Variants in SLC26A5 observed in about 807,000 individuals in gnomAD.
SLC26A5 encodes prestin.
In SLC26A5, 51 loss-of-function variants were observed where a neutral mutation model predicts 81.0. The ratio of observed to expected loss-of-function variants is 0.63; its 90% CI spans 0.50 to 0.80. SLC26A5 has a LOEUF of 0.80. Among genes scored for constraint, SLC26A5 ranks in the 30% least tolerant of loss-of-function variants. The pLI is 0.00. For synonymous variants in SLC26A5, 325 were observed against 332.8 expected (o/e 0.98, Z 0.25); for missense variants, 771 against 905.8 (o/e 0.85, Z 1.91).
chr7:103,374,365 G>T lies in SLC26A5; in HGVS notation c.*34C>A. 6.2e-7 allele frequency: 1 copy of T among 1,611,394 alleles called. No homozygotes were observed. Among genetic ancestry groups the T allele is most frequent in the South Asian group, 1.1e-5 (1 of 90,854 alleles). On this transcript the variant is annotated 3_prime_UTR_variant, in exon 20 of 20. Transcript: ENST00000306312. ...CGTGTAAATTATGAACTTCATGAGA[G>T]GCTTATAACCCCATCCTAGGGTGAG...
rs769294227 is a variant in SLC26A5 at position 103,378,458 on chromosome 7, A to G, written c.1773T>C (p.Thr591=). 2 of 1,614,100 alleles carry G rather than the reference A, an allele frequency of 1.2e-6. No homozygotes were observed. Among genetic ancestry groups the G allele is most frequent in the Non-Finnish European group, 8.5e-7 (1 of 1,179,950 alleles). The change falls in exon 17 of 20, where the codon ACT becomes ACC. Residue 591 remains threonine, a synonymous_variant. Coordinates refer to ENST00000306312, the MANE Select transcript of SLC26A5 (RefSeq NM_198999.3). Reference sequence around the variant, plus strand: ...AAAGACCACTCACTGCTTTGACAACAGTTGCGTTGGCCATATTTGCATTTC... The same window carrying G: ...AAAGACCACTCACTGCTTTGACAACGGTTGCGTTGGCCATATTTGCATTTC... ...EVGNANMANA[T]VVKADAEVDG...
chr7:103,383,003 C>T (rs1821919981), intron 14 of SLC26A5, among the ~76,000 whole-genome samples: 1 of 152,184 alleles, frequency 6.6e-6, no homozygotes, highest in African/African-American at 2.4e-5. Flanking sequence ...CAAGTGTTAG[C>T]TGTTTTGCTG....
chr7:103,445,393 C>T (rs556508541), intron 1 of SLC26A5: 86 of 152,306 alleles, frequency 5.6e-4, no homozygotes, highest in African/African-American at 1.9e-3. Flanking sequence ...AACACTGCCG[C>T]GAGCTTCGAG....
intron 15 of SLC26A5, 35 bp from the exon 16 acceptor site, chr7:103,379,370 G>C: frequency 1.5e-6 from 2 of 1,375,540 alleles, no homozygotes; most frequent in Non-Finnish European, 2.1e-6. Context: ...TTAACACATG[G>C]AAATATTTCA....
At chr7:103,413,209 G>A (rs1824647014) in intron 4 of SLC26A5, 97 bp from the exon 5 acceptor site, 3 of 822,172 alleles carry the variant, frequency 3.6e-6, no homozygotes, top group Non-Finnish European at 6.1e-6. Context: ...ATGAACGAGT[G>A]AAGCCCATCT....
At chr7:103,362,465 C>T in intron 19 of SLC26A5, 1 of 1,381,936 alleles carries the variant, frequency 7.2e-7, no homozygotes, top group Non-Finnish European at 9.3e-7. Context: ...TCTCCCCTCC[C>T]TCCTCAAAGG....
chr7:103,353,212 T>C (rs1024275988), intron 19 of SLC26A5, among the ~76,000 whole-genome samples: 3 of 152,076 alleles, frequency 2.0e-5, no homozygotes, highest in Non-Finnish European at 4.4e-5. Context: ...CATTATATCC[T>C]TTTTTTTAAA....
intron 19 of SLC26A5, among the ~76,000 whole-genome samples, chr7:103,363,717 G>A (rs1316319065): frequency 6.6e-6 from 1 of 152,184 alleles, no homozygotes; most frequent in Non-Finnish European, 1.5e-5. Context: ...ATATGTTACA[G>A]GCTATTATAG....
At position 103,367,196 on chromosome 7, in the gene SLC26A5, C is replaced by A. The variant is rs558315011; in HGVS notation, c.2041+9612G>T. 6.6e-6 allele frequency among the ~76,000 whole-genome samples: 1 copy of A among 152,228 alleles called. No homozygotes were observed. Among genetic ancestry groups the A allele is most frequent in the Admixed American group, 6.5e-5 (1 of 15,288 alleles). ...ACTGCCCCATAGGCAGTTTAAAAAA[C>A]GTTAAGTAAATCTGTGATGAATACT... On this transcript the variant is annotated intron_variant, in intron 19 of 19. Coordinates refer to the SLC26A5 transcript ENST00000339444. This position sits in a 1 kb window ranked among gnomAD's most constrained non-coding sequence, Gnocchi z 6.1.
intron 18 of SLC26A5, 44 bp from the exon 19 acceptor site, chr7:103,376,906 G>T: frequency 1.5e-6 from 2 of 1,329,820 alleles, no homozygotes; most frequent in Non-Finnish European, 2.2e-6. Flanking sequence ...TTTACTCTGT[G>T]CCAGATGAAA....
At chr7:103,364,958 C>CATATATATATAT (rs59914167) in intron 19 of SLC26A5, among the ~76,000 whole-genome samples, 5,488 of 125,200 alleles carry the variant, frequency 0.044, 243 homozygotes, top group East Asian at 0.21. Context: ...TGTAGACATA[C>CATATATATATAT]ATATATATAT....
rs139511699 is a variant in SLC26A5, at chr7:103,367,075, C to T, written c.2041+9733G>A. Among the ~76,000 whole-genome samples the T allele has an allele frequency of 1.3e-5, 2 of 152,278 alleles. No homozygotes were observed. The highest frequency in any genetic ancestry group is 4.8e-5 in the African/African-American group (2 of 41,560). ...ACTAATCTCTGAGCCTCAGTTTGCT[C>T]ATCTTATAAAGGGAATAATTGTTGT... On this transcript the variant is annotated intron_variant, in intron 19 of 19. Transcript: ENST00000339444. This position sits in a 1 kb window ranked among gnomAD's most constrained non-coding sequence, Gnocchi z 6.1.
Position 103,377,569 on chromosome 7 carries a change from A to G in SLC26A5, c.1986+30T>C, listed in dbSNP as rs10273883. 0.99 allele frequency: 1,581,896 copies of G among 1,602,314 alleles called. 782,826 individuals carry two copies. Among genetic ancestry groups the G allele is most frequent in the East Asian group, 1 (44,821 of 44,822 alleles). ...ATAGTACGACACCAGGCATAGAGGT[A>G]TTAAATGACTCGTTCAAGAGGATGC... On this transcript the variant is annotated intron_variant, in intron 18 of 19. Transcript: ENST00000306312.
chr7:103,375,238 T>TTG (rs900978830), intron 19 of SLC26A5, among the ~76,000 whole-genome samples: 2 of 151,590 alleles, frequency 1.3e-5, no homozygotes, highest in Non-Finnish European at 1.5e-5. Flanking sequence ...TCGTATTCTA[T>TTG]TGTATAGATG....
At chr7:103,416,045 A>G (rs1332045791) in intron 4 of SLC26A5, among the ~76,000 whole-genome samples, 1 of 152,166 alleles carries the variant, frequency 6.6e-6, no homozygotes, top group African/African-American at 2.4e-5. Flanking sequence ...TATTCCAGCT[A>G]TCACATTTTT....
At chr7:103,406,091 C>G (rs962256611) in intron 8 of SLC26A5, among the ~76,000 whole-genome samples, 1 of 152,194 alleles carries the variant, frequency 6.6e-6, no homozygotes, top group African/African-American at 2.4e-5. Context: ...GAATTTCAAG[C>G]CAATGGAGCT....
chr7:103,372,853 C>A (rs1243351470), downstream of SLC26A5, among the ~76,000 whole-genome samples: 5 of 142,994 alleles, frequency 3.5e-5, no homozygotes, highest in Admixed American at 7.3e-5. Flanking sequence ...TTCACAAGAC[C>A]ACCATCACAC....
chr7:103,424,939 G>C (rs749944762), intron 2 of SLC26A5, among the ~76,000 whole-genome samples: 3 of 152,186 alleles, frequency 2.0e-5, no homozygotes, highest in Non-Finnish European at 2.9e-5. Context: ...GGATGTAAGC[G>C]TGTGTCTCTT....
chr7:103,377,551 G>T, intron 18 of SLC26A5, 48 bp downstream of exon 18: 1 of 1,512,952 alleles, frequency 6.6e-7, no homozygotes, highest in South Asian at 1.1e-5. Context: ...CTGATAGTAC[G>T]ACACCAGGCA....
Sources: gnomAD v4.1 joint callset for allele counts (sites outside exome capture counted in the v4.1 genomes callset) on GRCh38, gnomAD v4.1.1 for gene constraint, Gnocchi (gnomAD v3.1) non-coding constraint, MANE v1.5 for transcripts, NCBI Gene and HGNC (gene_info 2026-07-23, HGNC 2026-07-21) for gene names.